Variants in HNRNPC observed in about 807,000 individuals in gnomAD.
HNRNPC encodes heterogeneous nuclear ribonucleoprotein C.
Under a neutral mutation model 33.2 loss-of-function variants are expected in HNRNPC, and 3 were observed. That is an observed-to-expected ratio of 0.09 (90% confidence interval 0.04 to 0.23). The LOEUF (loss-of-function observed/expected upper bound fraction) is 0.23. Ranked by LOEUF, HNRNPC falls within the 10% of genes least tolerant of loss-of-function variation. HNRNPC has a pLI of 1.00. For missense variants in HNRNPC, 143 were observed against 366.7 expected, an observed-to-expected ratio of 0.39 and a Z score of 4.98; for synonymous variants, 121 against 126.7, an observed-to-expected ratio of 0.96 and a Z score of 0.30.
chr14:21,243,725 G>C (rs1162685992), intron 2 of HNRNPC, among the ~76,000 whole-genome samples: 1 of 152,076 alleles, frequency 6.6e-6, no homozygotes, highest in Non-Finnish European at 1.5e-5. Flanking sequence ...TTAATCAACT[G>C]AGGATATTCA....
At chr14:21,243,483 AAATGATAT>A (rs1895603708) in intron 2 of HNRNPC, among the ~76,000 whole-genome samples, 2 of 152,242 alleles carry the variant, frequency 1.3e-5, no homozygotes, top group African/African-American at 4.8e-5. Context: ...GCAGATTCAA[AAATGATAT>A]ACACCAGATT....
chr14:21,230,189 G>C, intron 5 of HNRNPC, 130 bp downstream of exon 5: 1 of 547,632 alleles, frequency 1.8e-6, no homozygotes, highest in Non-Finnish European at 3.3e-6. Context: ...TTAGAAAAAG[G>C]TGTTTTTTTG....
chr14:21,249,487 T>A lies in HNRNPC; in HGVS notation c.-37+13824A>T, dbSNP rs140032868. ...CTGTAATCCCAGCTACTTGGGAGGC[T>A]GAGGCTAGAGAATTGCTTGAACCGG... On this transcript the variant is annotated intron_variant, in intron 2 of 8. Transcript: ENST00000553300. Among the ~76,000 whole-genome samples the A allele has an allele frequency of 4.5e-3, 671 of 149,082 alleles. 3 individuals carry two copies. The highest frequency in any genetic ancestry group is 0.016 in the African/African-American group (655 of 40,262).
rs1201928641 is a variant in HNRNPC at position 21,209,521 on chromosome 14, G to T, written c.*1702C>A. 6.6e-6 allele frequency: 1 copy of T among 152,186 alleles called. No homozygotes were observed. The highest frequency in any genetic ancestry group is 1.5e-5 in the Non-Finnish European group (1 of 68,020). 9.4% of individuals were successfully genotyped at this position (152,186 alleles called of 1,614,324 possible). A position where few individuals can be genotyped will look rare whatever the true frequency, so the allele number is the denominator to read the frequency against. The stretch of plus-strand genomic sequence containing the variant: ...CATCAGATTAGAAAACATCAAGTGG[G>T]TAGTATTTTTGACTGAATTAACATA... On this transcript the variant is annotated 3_prime_UTR_variant, in exon 9 of 9. Coordinates refer to ENST00000553300, the MANE Select transcript of HNRNPC (RefSeq NM_004500.4).
At chr14:21,251,016 C>T (rs1177408985) in intron 2 of HNRNPC, among the ~76,000 whole-genome samples, 1 of 152,162 alleles carries the variant, frequency 6.6e-6, no homozygotes, top group Non-Finnish European at 1.5e-5. Context: ...AATCCCAGCA[C>T]TCTGGGAGGC....
chr14:21,229,896 A>G (rs188262443), intron 5 of HNRNPC, among the ~76,000 whole-genome samples: 338 of 152,340 alleles, frequency 2.2e-3, no homozygotes, highest in Middle Eastern at 0.01. Flanking sequence ...GAACGCGACA[A>G]GCCAAATAAG....
chr14:21,215,941 A>G lies in HNRNPC; in HGVS notation c.366-2824T>C, dbSNP rs1278025004. On this transcript the variant is annotated intron_variant, in intron 5 of 8. Transcript: ENST00000553300. Reference sequence around the variant, plus strand: ...AGGAAGAAAGAAAGAAAAGGAAAAGAAAAAGAAAAAAAAAACAACAAAACA... The same window carrying G: ...AGGAAGAAAGAAAGAAAAGGAAAAGGAAAAGAAAAAAAAAACAACAAAACA... 2.2e-5 allele frequency among the ~76,000 whole-genome samples: 3 copies of G among 136,424 alleles called. No homozygotes were observed. The East Asian group carries it at 5.9e-4, about 27-fold the overall frequency. The allele number at this position is 136,424 out of a possible 152,430, so 89.5% of individuals were successfully genotyped here. A position where few individuals can be genotyped will look rare whatever the true frequency, so the allele number is the denominator to read the frequency against.
At chr14:21,222,681 A>G (rs1191439439) in intron 5 of HNRNPC, among the ~76,000 whole-genome samples, 3 of 151,958 alleles carry the variant, frequency 2.0e-5, no homozygotes, top group Non-Finnish European at 4.4e-5. Flanking sequence ...TCATGAGGTC[A>G]GGAGATCAAG....
intron 1 of HNRNPC, among the ~76,000 whole-genome samples, chr14:21,269,074 G>T (rs985191883): frequency 6.6e-6 from 1 of 151,946 alleles, no homozygotes; most frequent in African/African-American, 2.4e-5. Flanking sequence ...AGCGAAAAAA[G>T]GACATTTTCC....
rs1177762464 is a variant in HNRNPC, at chr14:21,233,863, C to A, written c.241+90G>T. 2.1e-6 allele frequency: 3 copies of A among 1,444,186 alleles called. No individual in the cohort carries two copies. In the South Asian group the frequency reaches 3.9e-5, roughly 19 times the overall value. The allele number at this position is 1,444,186 out of a possible 1,614,324, so 89.5% of individuals were successfully genotyped here. ...GTCGCAATATCCAGAATATCTCATG[C>A]TGTCAGTTTTACAGACATAAAGACA... On this transcript the variant is annotated intron_variant, in intron 3 of 8. Coordinates refer to ENST00000553300, the MANE Select transcript of HNRNPC (RefSeq NM_004500.4).
At chr14:21,260,960 CA>C (rs71112564) in intron 2 of HNRNPC, among the ~76,000 whole-genome samples, 17,531 of 88,484 alleles carry the variant, frequency 0.2, 1,099 homozygotes, top group East Asian at 0.28. Flanking sequence ...GAGACTGTCT[CA>C]AAAAAAAAAA....
intron 3 of HNRNPC, among the ~76,000 whole-genome samples, chr14:21,232,083 G>A (rs1285283499): frequency 2.0e-5 from 3 of 152,010 alleles, no homozygotes; most frequent in African/African-American, 4.8e-5. Flanking sequence ...AAATAAAAGA[G>A]CAAAGGGAAA....
intron 2 of HNRNPC, among the ~76,000 whole-genome samples, chr14:21,259,716 C>G (rs1368303565): frequency 6.6e-6 from 1 of 152,024 alleles, no homozygotes; most frequent in Non-Finnish European, 1.5e-5. Context: ...CAAGCCAGGT[C>G]GTTATTCTTT....
chr14:21,253,292 T>C (rs1347522511), intron 2 of HNRNPC, among the ~76,000 whole-genome samples: 1 of 148,390 alleles, frequency 6.7e-6, no homozygotes, highest in African/African-American at 2.5e-5. Flanking sequence ...ATGGCCAATA[T>C]GGTGAAACCC....
intron 2 of HNRNPC, among the ~76,000 whole-genome samples, chr14:21,251,765 C>G (rs1051946608): frequency 6.6e-6 from 1 of 152,108 alleles, no homozygotes; most frequent in Non-Finnish European, 1.5e-5. Flanking sequence ...TGGGAGAGCA[C>G]AGTTACCACA....
chr14:21,239,015 T>A (rs1035911198), intron 2 of HNRNPC, among the ~76,000 whole-genome samples: 1 of 151,256 alleles, frequency 6.6e-6, no homozygotes, highest in African/African-American at 2.4e-5. Flanking sequence ...TAGTCCCAGC[T>A]ACTCGGGAGG....
chr14:21,239,444 A>G (rs1895097994), intron 2 of HNRNPC, among the ~76,000 whole-genome samples: 2 of 152,026 alleles, frequency 1.3e-5, no homozygotes, highest in African/African-American at 4.8e-5. Context: ...GCGCCACTGC[A>G]CTCCAGTCTG....
At chr14:21,218,738 A>T (rs1252260117) in intron 5 of HNRNPC, among the ~76,000 whole-genome samples, 1 of 145,872 alleles carries the variant, frequency 6.9e-6, no homozygotes, top group Non-Finnish European at 1.5e-5. Context: ...AGTGGCTCTC[A>T]TGTGTAATCC....
intron 4 of HNRNPC, 103 bp from the exon 5 acceptor site, chr14:21,230,469 C>G (rs901276550): frequency 1.9e-5 from 15 of 776,004 alleles, no homozygotes; most frequent in Admixed American, 1.0e-4. Flanking sequence ...ACAAATAGAT[C>G]AACAAGATTA....
Sources: gnomAD v4.1 joint callset for allele counts (sites outside exome capture counted in the v4.1 genomes callset) on GRCh38, gnomAD v4.1.1 for gene constraint, MANE v1.5 for transcripts, NCBI Gene and HGNC (gene_info 2026-07-23, HGNC 2026-07-21) for gene names.